The following ARB2A variants were observed in gnomAD, a reference collection of about 807,000 sequenced individuals.
ARB2A encodes cotranscriptional regulator ARB2A.
the ARB2A span, among the ~76,000 whole-genome samples, chr5:94,057,370 G>A: frequency 6.6e-6 from 1 of 152,154 alleles, no homozygotes; most frequent in Non-Finnish European, 1.5e-5. Context: ...AACGGTGGTT[G>A]CTGAGGGCTG....
the ARB2A span, among the ~76,000 whole-genome samples, chr5:93,974,626 C>T: frequency 1.3e-5 from 2 of 152,174 alleles, no homozygotes; most frequent in African/African-American, 2.4e-5. Flanking sequence ...GAATACTCCA[C>T]CCAACAACAA....
the ARB2A span, among the ~76,000 whole-genome samples, chr5:94,044,919 A>T: frequency 2.0e-5 from 3 of 151,910 alleles, no homozygotes; most frequent in Admixed American, 2.0e-4. Flanking sequence ...CGAGTTGGAG[A>T]CCAGATTGGC....
chr5:94,053,236 G>C, the ARB2A span: 2 of 1,317,760 alleles, frequency 1.5e-6, no homozygotes, highest in Non-Finnish European at 1.1e-6. Flanking sequence ...ATCTAGAAAA[G>C]AAATGATATG....
chr5:93,965,596 C>A, the ARB2A span, among the ~76,000 whole-genome samples: 3 of 151,908 alleles, frequency 2.0e-5, no homozygotes, highest in African/African-American at 7.3e-5. Context: ...GAAACAGACA[C>A]CTGGAATAAA....
At chr5:93,694,657 C>CT in the ARB2A span, among the ~76,000 whole-genome samples, 1 of 152,114 alleles carries the variant, frequency 6.6e-6, no homozygotes, top group Non-Finnish European at 1.5e-5. Context: ...CAAGCTATCA[C>CT]TGACTTTCTT....
the ARB2A span, among the ~76,000 whole-genome samples, chr5:93,719,950 C>G: frequency 6.6e-6 from 1 of 152,120 alleles, no homozygotes; most frequent in Non-Finnish European, 1.5e-5. Context: ...TCCTCCTCTT[C>G]CAGTCTTCAG....
At chr5:94,107,029 G>T in the ARB2A span, among the ~76,000 whole-genome samples, 1 of 151,802 alleles carries the variant, frequency 6.6e-6, no homozygotes, top group African/African-American at 2.4e-5. Context: ...CTACCTATCG[G>T]GTCACTGCAC....
chr5:94,095,598 C>A, the ARB2A span, among the ~76,000 whole-genome samples: 1 of 151,536 alleles, frequency 6.6e-6, no homozygotes, highest in Non-Finnish European at 1.5e-5. Flanking sequence ...TCTAGAATGT[C>A]TTTCTGCTTT....
chr5:94,004,791 T>C, the ARB2A span, among the ~76,000 whole-genome samples: 1 of 151,690 alleles, frequency 6.6e-6, no homozygotes, highest in Non-Finnish European at 1.5e-5. Context: ...ATCAATATAT[T>C]ACTTGTTTTA....
the ARB2A span, among the ~76,000 whole-genome samples, chr5:93,748,284 TA>T: frequency 6.6e-6 from 1 of 151,886 alleles, no homozygotes; most frequent in South Asian, 2.1e-4. Flanking sequence ...GGAAGAAGAA[TA>T]AAAGGAAAAG....
At chr5:93,838,136 T>C in the ARB2A span, among the ~76,000 whole-genome samples, 1 of 152,178 alleles carries the variant, frequency 6.6e-6, no homozygotes, top group Non-Finnish European at 1.5e-5. Context: ...TTTATAGTTT[T>C]AAGTTTTATA....
chr5:93,857,927 G>A, the ARB2A span, among the ~76,000 whole-genome samples: 1 of 152,256 alleles, frequency 6.6e-6, no homozygotes, highest in South Asian at 2.1e-4. Context: ...CGGCCATCTT[G>A]GCTGCCCCCA....
chr5:93,977,751 C>T, the ARB2A span, among the ~76,000 whole-genome samples: 2 of 152,054 alleles, frequency 1.3e-5, no homozygotes, highest in Non-Finnish European at 2.9e-5. Context: ...GCAACAAAAA[C>T]AAAAATTGAC....
chr5:93,971,031 C>T, the ARB2A span, among the ~76,000 whole-genome samples: 1 of 151,494 alleles, frequency 6.6e-6, no homozygotes, highest in Non-Finnish European at 1.5e-5. Flanking sequence ...TGGAGTCTTG[C>T]ACAGTTGCCC....
the ARB2A span, among the ~76,000 whole-genome samples, chr5:93,890,989 C>G: frequency 6.6e-6 from 1 of 152,076 alleles, no homozygotes; most frequent in African/African-American, 2.4e-5. Flanking sequence ...CTGTAGCAAC[C>G]CTTGTCCCCT....
the ARB2A span, among the ~76,000 whole-genome samples, chr5:94,005,563 C>T: frequency 6.6e-6 from 1 of 152,244 alleles, no homozygotes; most frequent in African/African-American, 2.4e-5. Context: ...TGATTTTTGG[C>T]ATTTCAAATA....
At chr5:93,897,085 G>C in the ARB2A span, among the ~76,000 whole-genome samples, 1 of 151,932 alleles carries the variant, frequency 6.6e-6, no homozygotes, top group African/African-American at 2.4e-5. Flanking sequence ...ATAATTTAGT[G>C]TATAAAAGCA....
At chr5:93,889,617 T>TTAA in the ARB2A span, among the ~76,000 whole-genome samples, 1 of 151,878 alleles carries the variant, frequency 6.6e-6, no homozygotes, top group African/African-American at 2.4e-5. Flanking sequence ...CATGAAAATA[T>TTAA]TAATAATTTA....
chr5:93,992,005 T>TA, the ARB2A span, among the ~76,000 whole-genome samples: 1 of 151,766 alleles, frequency 6.6e-6, no homozygotes, highest in African/African-American at 2.4e-5. Flanking sequence ...AAAAAAATCT[T>TA]AAAAGCTGCC....
Sources: gnomAD v4.1 joint callset for allele counts (sites outside exome capture counted in the v4.1 genomes callset) on GRCh38, gnomAD v4.1.1 for gene constraint, MANE v1.5 for transcripts, NCBI Gene and HGNC (gene_info 2026-07-23, HGNC 2026-07-21) for gene names.